The following ANKFN1 variants were observed in gnomAD, a reference collection of about 807,000 sequenced individuals.
The protein encoded by ANKFN1 is ankyrin repeat and fibronectin type III domain containing 1, also known as ankyrin repeat and fibronectin type-III domain-containing protein 1.
In ANKFN1, 74 loss-of-function variants were observed where a neutral mutation model predicts 108.7. That is an observed-to-expected ratio of 0.68 (90% confidence interval 0.56 to 0.83). The LOEUF (loss-of-function observed/expected upper bound fraction) is 0.83. Among genes scored for constraint, ANKFN1 ranks in the 40% least tolerant of loss-of-function variants. ANKFN1 has a pLI of 0.00. For synonymous variants in ANKFN1, 547 were observed against 516.2 expected, an observed-to-expected ratio of 1.06 and a Z score of -0.81; for missense variants, 1,505 against 1,382.3, an observed-to-expected ratio of 1.09 and a Z score of -1.41.
At chr17:56,396,274 C>A (rs982609978) in intron 8 of ANKFN1, among the ~76,000 whole-genome samples, 3 of 152,146 alleles carry the variant, frequency 2.0e-5, no homozygotes, top group Non-Finnish European at 2.9e-5. Context: ...ATGGTGAAAC[C>A]CCGTCTCTAC....
intron 1 of ANKFN1, among the ~76,000 whole-genome samples, chr17:56,165,139 T>C (rs956452040): frequency 6.6e-6 from 1 of 152,248 alleles, no homozygotes; most frequent in African/African-American, 2.4e-5. Flanking sequence ...GAGTAACTGC[T>C]ACGTGCCTTT....
intron 6 of ANKFN1, among the ~76,000 whole-genome samples, chr17:56,362,488 A>C (rs2046547930): frequency 1.3e-5 from 2 of 152,238 alleles, no homozygotes; most frequent in Admixed American, 1.3e-4. Context: ...TACCAAAAAC[A>C]TACAATGGAA....
intron 3 of ANKFN1, among the ~76,000 whole-genome samples, chr17:56,241,419 C>G (rs76281204): frequency 0.033 from 5,022 of 152,196 alleles, 263 homozygotes; most frequent in African/African-American, 0.11. Context: ...CATGATTTCC[C>G]CATGGAATTG....
intron 3 of ANKFN1, among the ~76,000 whole-genome samples, chr17:56,257,145 G>A (rs2043377947): frequency 6.6e-6 from 1 of 152,166 alleles, no homozygotes; most frequent in Admixed American, 6.5e-5. Context: ...CCTTGGTTTG[G>A]TGCCTGGTAT....
chr17:56,328,333 C>A (rs895243386), intron 4 of ANKFN1, among the ~76,000 whole-genome samples: 6 of 152,054 alleles, frequency 3.9e-5, no homozygotes, highest in African/African-American at 1.4e-4. Flanking sequence ...CTTATTTGCA[C>A]CCCCCAAAAT....
chr17:56,381,467 A>G (rs7214449), intron 8 of ANKFN1, among the ~76,000 whole-genome samples: 9,030 of 152,322 alleles, frequency 0.059, 312 homozygotes, highest in African/African-American at 0.078. Flanking sequence ...AGAAGAAGGC[A>G]TCAGACGATC....
In ANKFN1 at chr17:56,456,869, A is replaced by G. The variant is rs2145234093; in HGVS notation, c.1216A>G (p.Lys406Glu). 1 of 1,614,060 alleles carries G rather than the reference A, an allele frequency of 6.2e-7. No homozygotes were observed. The highest frequency in any genetic ancestry group is 2.2e-5 in the East Asian group (1 of 44,870). Residue 406 changes from lysine to glutamate, a missense_variant, in exon 12 of 21, where the codon AAA (lysine) becomes GAA (glutamate). Coordinates refer to ENST00000682825, the MANE Select transcript of ANKFN1 (RefSeq NM_001370326.1). ...TTTAAAATACATTCCAGAAAGCACA[A>G]AATTACAAACCACAGGCCGCAAGCA... is the stretch of plus-strand genomic sequence containing the variant. ...HQHYSCREST[K>E]LQTTGRKQSV...
At chr17:56,118,932 A>C (rs925777365) in intron 4 of ANKFN1, among the ~76,000 whole-genome samples, 1 of 152,182 alleles carries the variant, frequency 6.6e-6, no homozygotes, top group Admixed American at 6.5e-5. Flanking sequence ...ATAGAAAGTG[A>C]TGCACAAAAA....
chr17:56,090,047 A>T (rs1426736429), intron 4 of ANKFN1, among the ~76,000 whole-genome samples: 1 of 151,408 alleles, frequency 6.6e-6, no homozygotes, highest in African/African-American at 2.4e-5. Context: ...TTTGAGTTGG[A>T]CTTGTTTCTT....
At chr17:56,259,909 A>AAC (rs34951336) in intron 3 of ANKFN1, among the ~76,000 whole-genome samples, 48,253 of 138,866 alleles carry the variant, frequency 0.35, 7,896 homozygotes, top group Middle Eastern at 0.51. Context: ...CCCACCTCCA[A>AAC]ACACACACAC....
chr17:56,126,845 C>T (rs1906963729), intron 4 of ANKFN1, among the ~76,000 whole-genome samples: 1 of 152,184 alleles, frequency 6.6e-6, no homozygotes, highest in African/African-American at 2.4e-5. Context: ...AAACCACCCT[C>T]ATTACTAGAT....
chr17:56,257,416 C>T (rs2043385537), intron 3 of ANKFN1, among the ~76,000 whole-genome samples: 1 of 152,180 alleles, frequency 6.6e-6, no homozygotes, highest in Non-Finnish European at 1.5e-5. Context: ...TTCACTGGCC[C>T]TTCAACATTA....
At position 56,153,979 on chromosome 17, in the gene ANKFN1, C is replaced by A. The variant is rs534302552; in HGVS notation, c.-71+449C>A. On this transcript the variant is annotated intron_variant, in intron 1 of 20. Coordinates refer to ENST00000682825, the MANE Select transcript of ANKFN1 (RefSeq NM_001370326.1). ...TTCTCTCTCTCTCACTTTTTATGGACTTTATTGTCATGATGATGGAGAAGT... is the reference window on the plus strand; with the variant it reads ...TTCTCTCTCTCTCACTTTTTATGGAATTTATTGTCATGATGATGGAGAAGT... Among the ~76,000 whole-genome samples the A allele has an allele frequency of 6.6e-5, 10 of 152,190 alleles. No homozygotes were observed. The South Asian group carries it at 1.2e-3, about 19-fold the overall frequency.
intron 18 of ANKFN1, among the ~76,000 whole-genome samples, chr17:56,484,761 T>G (rs952321726): frequency 6.6e-6 from 1 of 152,166 alleles, no homozygotes; most frequent in African/African-American, 2.4e-5. Context: ...AAAGAAAACA[T>G]TTCACTGGAG....
chr17:56,265,530 T>C (rs1033003948), intron 3 of ANKFN1, among the ~76,000 whole-genome samples: 2 of 152,156 alleles, frequency 1.3e-5, no homozygotes, highest in Non-Finnish European at 2.9e-5. Flanking sequence ...GTGCAATGTT[T>C]AATAAAGTCA....
chr17:56,392,917 G>T (rs1342060735), intron 8 of ANKFN1, among the ~76,000 whole-genome samples: 1 of 152,046 alleles, frequency 6.6e-6, no homozygotes, highest in African/African-American at 2.4e-5. Flanking sequence ...AAAGCTCCCT[G>T]ATGACTTTCC....
At chr17:56,407,019 T>C (rs1055970953) in intron 8 of ANKFN1, among the ~76,000 whole-genome samples, 1 of 151,364 alleles carries the variant, frequency 6.6e-6, no homozygotes, top group Admixed American at 6.6e-5. Flanking sequence ...CAGGTATAAA[T>C]AGGGAGGGGA....
intron 1 of ANKFN1, among the ~76,000 whole-genome samples, chr17:56,159,355 T>C (rs532776935): frequency 1.3e-5 from 2 of 152,354 alleles, no homozygotes; most frequent in East Asian, 3.9e-4. Flanking sequence ...AATTTAGAAT[T>C]GAACATCTAT....
In ANKFN1 at chr17:56,294,494, C is replaced by A. The variant is rs182897645; in HGVS notation, c.54-31727C>A. 2.6e-5 allele frequency among the ~76,000 whole-genome samples: 4 copies of A among 152,346 alleles called. No homozygotes were observed. The East Asian group carries it at 7.7e-4, about 29-fold the overall frequency. On this transcript the variant is annotated intron_variant, in intron 3 of 20. Transcript: ENST00000682825. ...TCTAGTTCTCTGCTTCTCTCTCAGACTGCAAGCCTTAGAAATTAGACTGGC... is the reference window on the plus strand; with the variant it reads ...TCTAGTTCTCTGCTTCTCTCTCAGAATGCAAGCCTTAGAAATTAGACTGGC...
Sources: allele counts gnomAD v4.1 joint callset (sites outside exome capture counted in the v4.1 genomes callset), GRCh38; gene constraint gnomAD v4.1.1; transcripts MANE v1.5; gene names NCBI Gene and HGNC (gene_info 2026-07-23, HGNC 2026-07-21).